Variants in EYA4 observed in about 807,000 individuals in gnomAD.
EYA4 encodes the protein EYA transcriptional coactivator and phosphatase 4.
Under a neutral mutation model 87.9 loss-of-function variants are expected in EYA4, and 31 were observed. The observed-to-expected ratio is 0.35, with a 90% CI of 0.27 to 0.48. The LOEUF is 0.48. Ranked by LOEUF, EYA4 falls within the 20% of genes least tolerant of loss-of-function variation. The pLI is 0.99. For synonymous variants in EYA4, 263 were observed against 270.6 expected, an observed-to-expected ratio of 0.97 and a Z score of 0.28; for missense variants, 678 against 761.4, an observed-to-expected ratio of 0.89 and a Z score of 1.29.
chr6:133,464,183 T>C (rs1017740373), intron 9 of EYA4, among the ~76,000 whole-genome samples: 2 of 152,094 alleles, frequency 1.3e-5, no homozygotes, highest in Non-Finnish European at 2.9e-5. Context: ...ATTTGAGAAA[T>C]CATTAAATTT....
chr6:133,528,956 G>A lies in EYA4; in HGVS notation c.*151G>A. The stretch of plus-strand genomic sequence containing the variant: ...AATTCCAGAATGAAGAATTCAGATT[G>A]CTGAATGGAGTTAAACTTTAGTGCT... On this transcript the variant is annotated 3_prime_UTR_variant, in exon 20 of 20. Transcript: ENST00000355286. 6.6e-7 allele frequency: 1 copy of A among 1,505,792 alleles called. No homozygotes were observed. The highest frequency in any genetic ancestry group is 1.2e-5 in the South Asian group (1 of 81,168). The allele number at this position is 1,505,792 out of a possible 1,614,324, so 93.3% of individuals were successfully genotyped here. A position where few individuals can be genotyped will look rare whatever the true frequency, so the allele number is the denominator to read the frequency against.
chr6:133,450,014 C>T (rs1793265872), intron 5 of EYA4, among the ~76,000 whole-genome samples: 1 of 151,356 alleles, frequency 6.6e-6, no homozygotes, highest in Non-Finnish European at 1.5e-5. Context: ...GAAACGGAGT[C>T]TTGCTCTGTC....
At chr6:133,342,845 C>CA in intron 2 of EYA4, among the ~76,000 whole-genome samples, 1 of 151,810 alleles carries the variant, frequency 6.6e-6, no homozygotes, top group East Asian at 1.9e-4. Context: ...TATTTTGATG[C>CA]AATATTTTAA....
intron 5 of EYA4, among the ~76,000 whole-genome samples, chr6:133,453,995 A>G (rs376693931): frequency 3.0e-4 from 45 of 152,226 alleles, no homozygotes; most frequent in Admixed American, 3.9e-4. Flanking sequence ...GACCTCCCCA[A>G]ACTTTCAAAT....
chr6:133,407,697 A>G (rs1324848740), intron 3 of EYA4, among the ~76,000 whole-genome samples: 1 of 152,070 alleles, frequency 6.6e-6, no homozygotes, highest in Non-Finnish European at 1.5e-5. Flanking sequence ...TATAGATTCA[A>G]ATTCAACTTA....
chr6:133,412,344 A>G (rs990456510), intron 3 of EYA4, among the ~76,000 whole-genome samples: 1 of 152,212 alleles, frequency 6.6e-6, no homozygotes, highest in Non-Finnish European at 1.5e-5. Context: ...GTGAATTTTC[A>G]TAAAACTGGA....
At chr6:133,448,754 A>T (rs1011985445) in intron 5 of EYA4, among the ~76,000 whole-genome samples, 5 of 152,180 alleles carry the variant, frequency 3.3e-5, no homozygotes, top group African/African-American at 1.2e-4. Flanking sequence ...TGAACTATGG[A>T]TATTAACTGC....
intron 2 of EYA4, among the ~76,000 whole-genome samples, chr6:133,342,164 C>A (rs1036008367): frequency 1.3e-5 from 2 of 151,884 alleles, no homozygotes; most frequent in African/African-American, 2.4e-5. Flanking sequence ...AAATTGAGAC[C>A]AGTCTAGATT....
At chr6:133,412,903 C>T (rs1194533212) in intron 3 of EYA4, among the ~76,000 whole-genome samples, 1 of 152,136 alleles carries the variant, frequency 6.6e-6, no homozygotes, top group Non-Finnish European at 1.5e-5. Flanking sequence ...CACAGCCCAG[C>T]AGCTGGATGT....
In EYA4 at chr6:133,482,977, A is replaced by T. The variant is rs556555511; in HGVS notation, c.1108-55A>T. 52 of 1,346,374 alleles carry T rather than the reference A, an allele frequency of 3.9e-5. No individual in the cohort carries two copies. In the African/African-American group the frequency reaches 6.9e-4, roughly 18 times the overall value. 83.4% of individuals were successfully genotyped at this position (1,346,374 alleles called of 1,614,324 possible). On this transcript the variant is annotated intron_variant, in intron 12 of 19. Transcript: ENST00000355286. ...AGGGAGACATTTTCTGCTTGTAAAG[A>T]GATTTCTGTTTCCTTGGACTTTTTA...
chr6:133,261,925 A>T (rs545094354), intron 1 of EYA4, among the ~76,000 whole-genome samples: 2 of 152,346 alleles, frequency 1.3e-5, no homozygotes, highest in East Asian at 3.9e-4. Context: ...GAAGACAGTG[A>T]TATTTAGAGA....
intron 2 of EYA4, among the ~76,000 whole-genome samples, chr6:133,332,380 C>G (rs1381423120): frequency 6.6e-6 from 1 of 152,190 alleles, no homozygotes; most frequent in Non-Finnish European, 1.5e-5. Context: ...CAAGGCTTCT[C>G]CCACTCCTTC....
intron 3 of EYA4, among the ~76,000 whole-genome samples, chr6:133,443,902 A>C (rs1255299970): frequency 2.0e-5 from 3 of 152,156 alleles, no homozygotes; most frequent in Admixed American, 2.0e-4. Flanking sequence ...TTTCAACTTT[A>C]AAATCTATCA....
At chr6:133,474,492 C>A (rs372296634) in intron 11 of EYA4, among the ~76,000 whole-genome samples, 29 of 152,144 alleles carry the variant, frequency 1.9e-4, no homozygotes, top group African/African-American at 6.7e-4. Context: ...TTTCATCAGG[C>A]CTTCATTGGT....
intron 2 of EYA4, among the ~76,000 whole-genome samples, chr6:133,342,257 A>G (rs1455038820): frequency 1.3e-5 from 2 of 150,844 alleles, no homozygotes; most frequent in South Asian, 2.1e-4. Flanking sequence ...TCTGGTACCT[A>G]CTGGCTACAA....
At chr6:133,443,173 G>T (rs1018831946) in intron 3 of EYA4, among the ~76,000 whole-genome samples, 1 of 151,450 alleles carries the variant, frequency 6.6e-6, no homozygotes, top group African/African-American at 2.4e-5. Context: ...TTTTCTGAAA[G>T]AATTTATTAA....
intron 13 of EYA4, among the ~76,000 whole-genome samples, chr6:133,491,779 G>A (rs547249919): frequency 2.0e-4 from 31 of 151,824 alleles, no homozygotes; most frequent in Middle Eastern, 3.4e-3. Flanking sequence ...GTGAAACCCC[G>A]TCTCTACTAA....
intron 17 of EYA4, among the ~76,000 whole-genome samples, chr6:133,522,292 TC>T (rs1216027038): frequency 6.7e-6 from 1 of 149,910 alleles, no homozygotes; most frequent in Non-Finnish European, 1.5e-5. Context: ...TAACTATTAT[TC>T]CCACCTCCCA....
intron 3 of EYA4, among the ~76,000 whole-genome samples, chr6:133,445,270 A>G (rs942801204): frequency 6.6e-6 from 1 of 152,190 alleles, no homozygotes; most frequent in Non-Finnish European, 1.5e-5. Context: ...GTCCCTGTAT[A>G]CAGTGCAATT....
Sources: allele counts gnomAD v4.1 joint callset (sites outside exome capture counted in the v4.1 genomes callset), GRCh38; gene constraint gnomAD v4.1.1; transcripts MANE v1.5; gene names NCBI Gene and HGNC (gene_info 2026-07-23, HGNC 2026-07-21).